XRCC6: variants seen among roughly 807,000 people sequenced by gnomAD.
XRCC6 encodes X-ray repair cross complementing 6.
In XRCC6, 5 loss-of-function variants were observed where a neutral mutation model predicts 65.7. That is an observed-to-expected ratio of 0.08 (90% CI 0.04 to 0.16). The LOEUF is 0.16. Among genes scored for constraint, XRCC6 ranks in the 10% least tolerant of loss-of-function variants. The pLI is 1.00. For missense variants in XRCC6, 447 were observed against 738.1 expected (o/e 0.61, Z 4.57); for synonymous variants, 270 against 270.6 (o/e 1.00, Z 0.02).
chr22:41,627,154 A>G (rs2067686267), intron 2 of XRCC6, among the ~76,000 whole-genome samples: 2 of 152,232 alleles, frequency 1.3e-5, no homozygotes, highest in Non-Finnish European at 2.9e-5. Flanking sequence ...TTGGCTCTTC[A>G]GAAGATAAAT....
chr22:41,663,615 C>G lies in XRCC6; in HGVS notation c.1637-7C>G, dbSNP rs944458911. ...TCCAGTCACTCTCTCCTGACCTTTC[C>G]CCCCAGATAATGAAGGTTCTGGAAG... On this transcript the variant is annotated splice_region_variant and splice_polypyrimidine_tract_variant and intron_variant, in intron 12 of 12. Coordinates refer to ENST00000360079, the MANE Select transcript of XRCC6 (RefSeq NM_001469.5). 15 of 1,609,834 alleles carry G rather than the reference C, an allele frequency of 9.3e-6. No individual in the cohort carries two copies. Among genetic ancestry groups the G allele is most frequent in the Non-Finnish European group, 1.3e-5 (15 of 1,176,662 alleles).
Position 41,628,982 on chromosome 22 carries a change from A to AC in XRCC6, c.195+752_195+753insC, listed in dbSNP as rs1306336065. ...CTCTGTCTCAAAAAAAAAAAAAAAAAAAAAAAACAATTCTCCAAAGATATG... is the reference window on the plus strand; with the variant it reads ...CTCTGTCTCAAAAAAAAAAAAAAAAACAAAAAAACAATTCTCCAAAGATATG... On this transcript the variant is annotated intron_variant, in intron 3 of 12. Coordinates refer to ENST00000360079, the MANE Select transcript of XRCC6 (RefSeq NM_001469.5). 1.5e-3 allele frequency among the ~76,000 whole-genome samples: 223 copies of AC among 151,542 alleles called. 1 individual carries two copies. The highest frequency in any genetic ancestry group is 2.9e-3 in the Non-Finnish European group (199 of 67,844).
At chr22:41,649,993 G>A (rs1203273039) in intron 7 of XRCC6, among the ~76,000 whole-genome samples, 7 of 152,174 alleles carry the variant, frequency 4.6e-5, no homozygotes, top group South Asian at 2.1e-4. Flanking sequence ...GCCACTGCAC[G>A]CCAGTGACAG....
chr22:41,663,534 A>G (rs2068118932), intron 12 of XRCC6, 88 bp from the exon 13 acceptor site: 2 of 1,447,776 alleles, frequency 1.4e-6, no homozygotes, highest in Non-Finnish European at 1.9e-6. Context: ...ATTGCAGCCC[A>G]GATTATACGA....
intron 6 of XRCC6, among the ~76,000 whole-genome samples, chr22:41,645,026 G>A (rs115629675): frequency 0.019 from 2,817 of 151,862 alleles, 90 homozygotes; most frequent in African/African-American, 0.064. Flanking sequence ...TTGAGCTGGG[G>A]GCTGTGGCTC....
chr22:41,646,401 T>C (rs1419195476), intron 6 of XRCC6, among the ~76,000 whole-genome samples: 1 of 152,192 alleles, frequency 6.6e-6, no homozygotes, highest in Non-Finnish European at 1.5e-5. Context: ...GATATAGTGC[T>C]GTGCTTAATA....
At chr22:41,648,060 C>T (rs1315262770) in intron 7 of XRCC6, 2 of 103,402 alleles carry the variant, frequency 1.9e-5, no homozygotes, top group Admixed American at 1.0e-4. Flanking sequence ...CCCTCCCCTC[C>T]TCTCCCCTCC....
intron 3 of XRCC6, among the ~76,000 whole-genome samples, chr22:41,631,606 G>T (rs2067752323): frequency 3.9e-5 from 5 of 129,602 alleles, no homozygotes; most frequent in African/African-American, 6.3e-5. Context: ...TTCCTAGATG[G>T]GATGGCGGCT....
chr22:41,643,837 TAGCTG>T (rs965993065), intron 6 of XRCC6, among the ~76,000 whole-genome samples: 1 of 132,452 alleles, frequency 7.5e-6, no homozygotes, highest in African/African-American at 2.9e-5. Flanking sequence ...AAAAAAAAAT[TAGCTG>T]GGCGCAGTGG....
At chr22:41,656,853 G>T in intron 9 of XRCC6, 50 bp from the exon 10 acceptor site, 1 of 1,609,456 alleles carries the variant, frequency 6.2e-7, no homozygotes, top group South Asian at 1.1e-5. Context: ...AGAAACAAGT[G>T]ACTGCAACAC....
chr22:41,631,853 A>G (rs1359787358), intron 3 of XRCC6, among the ~76,000 whole-genome samples: 1 of 152,144 alleles, frequency 6.6e-6, no homozygotes, highest in Non-Finnish European at 1.5e-5. Context: ...GCACTGAGTG[A>G]ACCAGACACC....
intron 6 of XRCC6, among the ~76,000 whole-genome samples, chr22:41,646,003 C>A (rs1051851522): frequency 6.6e-6 from 1 of 151,814 alleles, no homozygotes. Context: ...AGGAAGGGAT[C>A]CTAGAAAAAC....
chr22:41,621,964 T>A (rs528964413), intron 1 of XRCC6, 26 bp from the exon 2 acceptor site: 1 of 1,610,194 alleles, frequency 6.2e-7, no homozygotes, highest in Non-Finnish European at 8.5e-7. Flanking sequence ...ATTTGCCTGT[T>A]ACTGACGTTA....
rs143095246 is a variant in XRCC6 at position 41,646,135 on chromosome 22, C to G, written c.774-761C>G. Among the ~76,000 whole-genome samples the G allele has an allele frequency of 1.4e-3, 218 of 152,004 alleles. 1 individual carries two copies. The highest frequency in any genetic ancestry group is 3.4e-3 in the Admixed American group (52 of 15,262). On this transcript the variant is annotated intron_variant, in intron 6 of 12. Coordinates refer to ENST00000360079, the MANE Select transcript of XRCC6 (RefSeq NM_001469.5). ...TGGCCAACATGGTGAAACACCGTCTCTACTAAAATAAAAAGAAATTAGCTG... is the reference window on the plus strand; with the variant it reads ...TGGCCAACATGGTGAAACACCGTCTGTACTAAAATAAAAAGAAATTAGCTG...
At chr22:41,623,097 A>G (rs900354849) in intron 2 of XRCC6, among the ~76,000 whole-genome samples, 4 of 152,132 alleles carry the variant, frequency 2.6e-5, no homozygotes, top group Non-Finnish European at 2.9e-5. Flanking sequence ...AAATATATAT[A>G]TTTTTTAATT....
At position 41,636,870 on chromosome 22, in the gene XRCC6, C is replaced by A; in HGVS notation, c.589+100C>A. On this transcript the variant is annotated intron_variant, in intron 5 of 12. Transcript: ENST00000360079. ...AGGAGTCTTGGCTCAGCCTCAGCCTCCCAAGTAGCTGGGACTATAAGCATG... is the reference window on the plus strand; with the variant it reads ...AGGAGTCTTGGCTCAGCCTCAGCCTACCAAGTAGCTGGGACTATAAGCATG... The A allele has an allele frequency of 6.2e-6, 9 of 1,446,152 alleles. No homozygotes were observed. In the South Asian group the frequency reaches 1.2e-4, roughly 19 times the overall value. The allele number at this position is 1,446,152 out of a possible 1,614,324, so 89.6% of individuals were successfully genotyped here. A position where few individuals can be genotyped will look rare whatever the true frequency, so the allele number is the denominator to read the frequency against.
At chr22:41,631,409 G>C (rs1022773028) in intron 3 of XRCC6, among the ~76,000 whole-genome samples, 1 of 151,040 alleles carries the variant, frequency 6.6e-6, no homozygotes, top group African/African-American at 2.4e-5. Context: ...TCACTTCTCC[G>C]ACGGGGCGGT....
chr22:41,639,500 ATTATTTTTTATTTTTATTT>A (rs2067851078), intron 6 of XRCC6, among the ~76,000 whole-genome samples: 1 of 150,020 alleles, frequency 6.7e-6, no homozygotes, highest in Non-Finnish European at 1.5e-5. Flanking sequence ...TGCTCTGCTG[ATTATTTTTTATTTTTATTT>A]TTATTTTTTG....
intron 11 of XRCC6, among the ~76,000 whole-genome samples, chr22:41,660,012 T>A (rs915140700): frequency 6.6e-6 from 1 of 152,238 alleles, no homozygotes; most frequent in Non-Finnish European, 1.5e-5. Flanking sequence ...ACTCTACAGA[T>A]GATTCCCAGA....
Sources: gnomAD v4.1 joint callset for allele counts (sites outside exome capture counted in the v4.1 genomes callset) on GRCh38, gnomAD v4.1.1 for gene constraint, MANE v1.5 for transcripts, NCBI Gene and HGNC (gene_info 2026-07-23, HGNC 2026-07-21) for gene names.